RALGAPA2: variants seen among roughly 807,000 people sequenced by gnomAD.
RALGAPA2 encodes the protein Ral GTPase activating protein catalytic subunit alpha 2.
RALGAPA2 carries 139 observed loss-of-function variants against 230.4 expected under a neutral mutation model. The observed-to-expected ratio is 0.60, with a 90% confidence interval of 0.53 to 0.69. The LOEUF (loss-of-function observed/expected upper bound fraction) is 0.69. Ranked by LOEUF, RALGAPA2 falls within the 30% of genes least tolerant of loss-of-function variation. The probability of loss-of-function intolerance (pLI) is 0.00; values close to 1 mark genes in which losing one functional copy is unlikely to be tolerated. For synonymous variants in RALGAPA2, 847 were observed against 837.8 expected (o/e 1.01, Z -0.19); for missense variants, 2,163 against 2,276.0 (o/e 0.95, Z 1.01).
At chr20:20,639,977 C>T (rs368722053) in intron 6 of RALGAPA2, 77 bp from the exon 7 acceptor site, 1 of 1,122,024 alleles carries the variant, frequency 8.9e-7, no homozygotes, top group East Asian at 2.4e-5. Context: ...TAAAAATGGT[C>T]TCTATTAAAA....
In RALGAPA2 at chr20:20,701,423, C is replaced by T. The variant is rs6046996; in HGVS notation, c.106+10952G>A. On this transcript the variant is annotated intron_variant, in intron 1 of 39. Coordinates refer to ENST00000202677, the MANE Select transcript of RALGAPA2 (RefSeq NM_020343.4). ...ACTTATCATTTAGTGGGAAAGAACA[C>T]GGATAAGGCATGAACACAAATAAAC... Among the ~76,000 whole-genome samples, 643 of 152,264 alleles carry T rather than the reference C, an allele frequency of 4.2e-3. 6 individuals are homozygous for T. Among genetic ancestry groups the T allele is most frequent in the East Asian group, 0.018 (95 of 5,192 alleles).
At chr20:20,548,372 T>C (rs758857686) in intron 23 of RALGAPA2, among the ~76,000 whole-genome samples, 6 of 152,224 alleles carry the variant, frequency 3.9e-5, no homozygotes, top group Non-Finnish European at 8.8e-5. Flanking sequence ...AGACTTTTTT[T>C]TCTTTACATG....
At chr20:20,602,505 G>T (rs1292791317) in intron 15 of RALGAPA2, among the ~76,000 whole-genome samples, 1 of 152,260 alleles carries the variant, frequency 6.6e-6, no homozygotes, top group African/African-American at 2.4e-5. Context: ...CAGACTTACA[G>T]ATTTCTGCAC....
chr20:20,472,223 G>A (rs1462379818), intron 37 of RALGAPA2: 2 of 152,174 alleles, frequency 1.3e-5, no homozygotes, highest in African/African-American at 4.8e-5. Context: ...AGGAACTAGA[G>A]AAAATATCAA....
intron 23 of RALGAPA2, among the ~76,000 whole-genome samples, chr20:20,565,510 C>T (rs962161506): frequency 1.3e-5 from 2 of 152,078 alleles, no homozygotes; most frequent in South Asian, 2.1e-4. Context: ...TTTTTACAAA[C>T]GACTGTTTAT....
intron 10 of RALGAPA2, among the ~76,000 whole-genome samples, chr20:20,621,688 C>A (rs2066329772): frequency 6.6e-6 from 1 of 151,720 alleles, no homozygotes; most frequent in Non-Finnish European, 1.5e-5. Context: ...CATCTCCATA[C>A]AACAATTTTG....
At chr20:20,680,839 T>C (rs1241346476) in intron 1 of RALGAPA2, 38 bp from the exon 2 acceptor site, 1 of 1,522,490 alleles carries the variant, frequency 6.6e-7, no homozygotes, top group Non-Finnish European at 8.8e-7. Context: ...CAATTCACTT[T>C]ATAAAATCAC....
At chr20:20,533,181 T>C (rs752072056) in intron 26 of RALGAPA2, among the ~76,000 whole-genome samples, 50 of 151,972 alleles carry the variant, frequency 3.3e-4, no homozygotes, top group Middle Eastern at 3.4e-3. Context: ...ATAAGAGAAG[T>C]ACATCCAAAC....
chr20:20,562,856 T>C (rs1377766942), intron 23 of RALGAPA2, among the ~76,000 whole-genome samples: 3 of 152,146 alleles, frequency 2.0e-5, no homozygotes, highest in Non-Finnish European at 2.9e-5. Context: ...AAAGAAAAAA[T>C]ATCTCGCATT....
At chr20:20,592,341 T>C (rs1374433494) in intron 16 of RALGAPA2, among the ~76,000 whole-genome samples, 1 of 152,192 alleles carries the variant, frequency 6.6e-6, no homozygotes. Flanking sequence ...CAAGGTACTC[T>C]AGCTCACTTT....
intron 10 of RALGAPA2, among the ~76,000 whole-genome samples, chr20:20,622,241 C>G (rs755263746): frequency 6.6e-6 from 1 of 150,976 alleles, no homozygotes; most frequent in African/African-American, 2.4e-5. Flanking sequence ...AATAGGTTAT[C>G]CAATGAATGA....
chr20:20,458,821 C>T (rs1197072227), intron 37 of RALGAPA2, among the ~76,000 whole-genome samples: 3 of 106,128 alleles, frequency 2.8e-5, no homozygotes, highest in African/African-American at 7.2e-5. Flanking sequence ...TATATATAGA[C>T]CTATATATAT....
intron 38 of RALGAPA2, among the ~76,000 whole-genome samples, chr20:20,406,786 C>A (rs1223343748): frequency 6.6e-6 from 1 of 152,116 alleles, no homozygotes; most frequent in Non-Finnish European, 1.5e-5. Context: ...GTGGCTTATG[C>A]CTGTAGTTCC....
intron 38 of RALGAPA2, among the ~76,000 whole-genome samples, chr20:20,399,287 T>A (rs2059782671): frequency 7.1e-6 from 1 of 141,454 alleles, no homozygotes; most frequent in Non-Finnish European, 1.5e-5. Flanking sequence ...GTGGTTTCAG[T>A]GAGCTGGGAT....
At chr20:20,646,572 TCTATTGGCTAACTTTTA>T (rs889747438) in intron 4 of RALGAPA2, among the ~76,000 whole-genome samples, 1 of 152,206 alleles carries the variant, frequency 6.6e-6, no homozygotes. Flanking sequence ...ATTTCTAATT[TCTATTGGCTAACTTTTA>T]CTACATTTTA....
chr20:20,520,745 A>G (rs2063012147), intron 31 of RALGAPA2, among the ~76,000 whole-genome samples, 172 bp downstream of exon 31: 1 of 152,210 alleles, frequency 6.6e-6, no homozygotes, highest in South Asian at 2.1e-4. Flanking sequence ...ATGGGAAAAC[A>G]GAGGAGAAAA....
At position 20,392,591 on chromosome 20, in the gene RALGAPA2, C is replaced by G; in HGVS notation, c.*698G>C. 1 of 159,002 alleles carries G rather than the reference C, an allele frequency of 6.3e-6. No individual in the cohort carries two copies. The highest frequency in any genetic ancestry group is 5.8e-5 in the Admixed American group (1 of 17,116). 9.8% of individuals were successfully genotyped at this position (159,002 alleles called of 1,614,324 possible). ...ACTGTCATGACCTGAAGCGCCTCTG[C>G]GTGGTGAGGAGAGCCTCTGCTTAGT... On this transcript the variant is annotated 3_prime_UTR_variant, in exon 40 of 40. Coordinates refer to ENST00000202677, the MANE Select transcript of RALGAPA2 (RefSeq NM_020343.4).
intron 2 of RALGAPA2, among the ~76,000 whole-genome samples, chr20:20,676,860 T>C (rs138229653): frequency 1.1e-3 from 161 of 152,266 alleles, no homozygotes; most frequent in African/African-American, 3.9e-3. Flanking sequence ...GGTCAGACAA[T>C]AAATATTTTA....
chr20:20,430,484 T>C (rs1467200822), intron 37 of RALGAPA2, among the ~76,000 whole-genome samples: 2 of 152,180 alleles, frequency 1.3e-5, no homozygotes, highest in Non-Finnish European at 2.9e-5. Flanking sequence ...GAAGTGTTTT[T>C]CTCAATTAAA....
Sources: gnomAD v4.1 joint callset for allele counts (sites outside exome capture counted in the v4.1 genomes callset) on GRCh38, gnomAD v4.1.1 for gene constraint, MANE v1.5 for transcripts, NCBI Gene and HGNC (gene_info 2026-07-23, HGNC 2026-07-21) for gene names.